The following PLEKHA7 variants were observed in gnomAD, a reference collection of about 807,000 sequenced individuals.
PLEKHA7 encodes pleckstrin homology domain containing A7, also known as pleckstrin homology domain-containing family A member 7.
A neutral mutation model predicts 170.0 loss-of-function variants in PLEKHA7; 104 were observed. The observed-to-expected ratio is 0.61, with a 90% CI of 0.52 to 0.72. The LOEUF (loss-of-function observed/expected upper bound fraction) is 0.72, where lower values mean the gene tolerates loss of function less well. Among genes scored for constraint, PLEKHA7 ranks in the 30% least tolerant of loss-of-function variants. The probability of loss-of-function intolerance (pLI) is 0.00; values close to 1 mark genes in which losing one functional copy is unlikely to be tolerated. For missense variants in PLEKHA7, 1,615 were observed against 1,671.7 expected (o/e 0.97, Z 0.59); for synonymous variants, 648 against 660.8 (o/e 0.98, Z 0.30).
At chr11:16,971,086 A>G (rs1393103193) in intron 3 of PLEKHA7, among the ~76,000 whole-genome samples, 1 of 152,234 alleles carries the variant, frequency 6.6e-6, no homozygotes, top group Non-Finnish European at 1.5e-5. Context: ...ATTAGAGAAT[A>G]TCTTACTGTG....
intron 3 of PLEKHA7, among the ~76,000 whole-genome samples, chr11:16,905,127 C>T (rs1857572784): frequency 6.6e-6 from 1 of 152,064 alleles, no homozygotes; most frequent in Non-Finnish European, 1.5e-5. Flanking sequence ...TGGCACACAC[C>T]CATGGTCCCA....
rs192520251 is a variant in PLEKHA7, at chr11:16,944,503, C to A, written c.221+69486G>T. On this transcript the variant is annotated intron_variant, in intron 3 of 26. Transcript: ENST00000531066. Reference sequence around the variant, plus strand: ...CTCCAGCCTGGGTAACAGTGTGAAACCCTGTCTCAAAAAAAAAAAAAAATT... The same window carrying A: ...CTCCAGCCTGGGTAACAGTGTGAAAACCTGTCTCAAAAAAAAAAAAAAATT... Among the ~76,000 whole-genome samples the A allele has an allele frequency of 9.5e-3, 1,405 of 147,784 alleles. 8 individuals carry two copies. The highest frequency in any genetic ancestry group is 0.012 in the Non-Finnish European group (836 of 67,438).
chr11:16,975,371 G>A (rs193265066), intron 3 of PLEKHA7, among the ~76,000 whole-genome samples: 4 of 152,186 alleles, frequency 2.6e-5, no homozygotes, highest in Admixed American at 2.0e-4. Context: ...AAATTTTATC[G>A]ATTACTGGCT....
chr11:17,013,824 C>G (rs1247587338), intron 3 of PLEKHA7, among the ~76,000 whole-genome samples, 165 bp downstream of exon 3: 1 of 152,204 alleles, frequency 6.6e-6, no homozygotes. Context: ...TCTCGGAGGC[C>G]GCCAAACAAC....
intron 3 of PLEKHA7, among the ~76,000 whole-genome samples, chr11:16,980,920 AATG>A (rs72070620): frequency 0.34 from 51,903 of 151,716 alleles, 9,104 homozygotes; most frequent in East Asian, 0.42. Flanking sequence ...GATACGGCCC[AATG>A]ATGAAGGGTC....
chr11:16,816,501 C>G (rs777857633), intron 11 of PLEKHA7, among the ~76,000 whole-genome samples: 1 of 152,194 alleles, frequency 6.6e-6, no homozygotes, highest in African/African-American at 2.4e-5. Context: ...TCCTGCCTTT[C>G]AAGATGCAAG....
At chr11:16,836,601 T>C (rs1306178557) in intron 9 of PLEKHA7, among the ~76,000 whole-genome samples, 1 of 152,220 alleles carries the variant, frequency 6.6e-6, no homozygotes, top group Non-Finnish European at 1.5e-5. Context: ...CAAGATTTAG[T>C]CTGCCTGACG....
intron 3 of PLEKHA7, among the ~76,000 whole-genome samples, chr11:16,896,186 C>T (rs892629767): frequency 6.6e-5 from 10 of 152,220 alleles, no homozygotes; most frequent in Non-Finnish European, 1.0e-4. Flanking sequence ...TCCAAGATGT[C>T]CTCTAGGCAC....
chr11:16,927,388 T>C (rs1859635003), intron 3 of PLEKHA7, among the ~76,000 whole-genome samples: 1 of 152,236 alleles, frequency 6.6e-6, no homozygotes. Flanking sequence ...ATTCTGTTTT[T>C]AGATGTCTGC....
chr11:16,785,208 G>A (rs964245877), intron 24 of PLEKHA7, among the ~76,000 whole-genome samples: 5 of 152,188 alleles, frequency 3.3e-5, no homozygotes, highest in Non-Finnish European at 5.9e-5. Flanking sequence ...CACCTCTTAA[G>A]ACAGCAGGAA....
intron 3 of PLEKHA7, among the ~76,000 whole-genome samples, chr11:16,950,831 T>C (rs1590701284): frequency 6.6e-6 from 1 of 152,224 alleles, no homozygotes. Context: ...CTTTATGCTA[T>C]AGATAAAGTG....
intron 8 of PLEKHA7, among the ~76,000 whole-genome samples, chr11:16,848,571 T>A (rs1231796938): frequency 6.6e-6 from 1 of 152,250 alleles, no homozygotes; most frequent in Non-Finnish European, 1.5e-5. Context: ...TACTGCATAA[T>A]GGATCTGGTG....
chr11:16,857,268 G>C (rs1294654950), intron 4 of PLEKHA7, among the ~76,000 whole-genome samples: 1 of 152,238 alleles, frequency 6.6e-6, no homozygotes, highest in Non-Finnish European at 1.5e-5. Flanking sequence ...GTAGGCACCA[G>C]CTTCCCAAAG....
At chr11:16,883,773 A>G (rs951320009) in intron 3 of PLEKHA7, among the ~76,000 whole-genome samples, 1 of 152,116 alleles carries the variant, frequency 6.6e-6, no homozygotes, top group Non-Finnish European at 1.5e-5. Flanking sequence ...ACACTCCCCA[A>G]TTGTAACATA....
intron 3 of PLEKHA7, among the ~76,000 whole-genome samples, chr11:16,992,495 C>G (rs1864106269): frequency 6.6e-6 from 1 of 152,194 alleles, no homozygotes; most frequent in African/African-American, 2.4e-5. Flanking sequence ...TGGCTCACGC[C>G]TGTTATTCCC....
chr11:16,867,854 T>C (rs1481202273), intron 4 of PLEKHA7, among the ~76,000 whole-genome samples: 3 of 152,216 alleles, frequency 2.0e-5, no homozygotes, highest in Admixed American at 6.5e-5. Context: ...TCTTCCCTTA[T>C]CTAAATCTTC....
At chr11:16,898,856 C>T (rs953628471) in intron 3 of PLEKHA7, among the ~76,000 whole-genome samples, 2 of 152,154 alleles carry the variant, frequency 1.3e-5, no homozygotes, top group Non-Finnish European at 2.9e-5. Context: ...AAAATCCAAA[C>T]CTATGCTGAT....
chr11:16,787,507 A>G (rs1849479826), intron 23 of PLEKHA7: 1 of 152,148 alleles, frequency 6.6e-6, no homozygotes, highest in Non-Finnish European at 1.5e-5. Context: ...AATCAATTTA[A>G]TGATTCACAA....
chr11:16,789,790 G>A lies in PLEKHA7; in HGVS notation c.3141C>T (p.Ser1047=). ...TLRRGLNAES[S]KATFPRPKSA... ...GGCCACTCACAGGGAAGGTCGCCTTGCTGCTTTCGGCATTGAGACCCCTCC... is the reference window on the plus strand; with the variant it reads ...GGCCACTCACAGGGAAGGTCGCCTTACTGCTTTCGGCATTGAGACCCCTCC... Residue 1047 remains serine, a synonymous_variant, in exon 22 of 27, where the codon AGC becomes AGT. Transcript: ENST00000531066. This position sits in a 1 kb window ranked among gnomAD's most constrained non-coding sequence, Gnocchi z 4.6. The A allele has an allele frequency of 6.2e-7, 1 of 1,613,958 alleles. No homozygotes were observed. Among genetic ancestry groups the A allele is most frequent in the Non-Finnish European group, 8.5e-7 (1 of 1,179,858 alleles).
Sources: allele counts gnomAD v4.1 joint callset (sites outside exome capture counted in the v4.1 genomes callset), GRCh38; gene constraint gnomAD v4.1.1; non-coding constraint Gnocchi (gnomAD v3.1); transcripts MANE v1.5; gene names NCBI Gene and HGNC (gene_info 2026-07-23, HGNC 2026-07-21).